The following TLR8 variants were observed in gnomAD, a reference collection of about 807,000 sequenced individuals.
TLR8 encodes the protein toll-like receptor 8.
TLR8 carries 5 observed loss-of-function variants against 18.5 expected under a neutral mutation model. The ratio of observed to expected loss-of-function variants is 0.27; its 90% confidence interval spans 0.14 to 0.57. The LOEUF is 0.57. TLR8 is among the 20% of genes least tolerant of loss of function. The probability of loss-of-function intolerance (pLI) is 0.92; values close to 1 mark genes in which losing one functional copy is unlikely to be tolerated. For synonymous variants in TLR8, 299 were observed against 300.1 expected, an observed-to-expected ratio of 1.00 and a Z score of 0.04; for missense variants, 543 against 769.8, an observed-to-expected ratio of 0.71 and a Z score of 3.49.
intron 1 of TLR8, chrX:12,910,547 C>T (rs1489412308): frequency 2.2e-5 from 20 of 912,392 alleles, no homozygotes; most frequent in Non-Finnish European, 3.0e-5. Context: ...AGCGTCCCTA[C>T]CTTTGTGCCC....
In TLR8 at chrX:12,919,511, T is replaced by C. The variant is rs2043079248; in HGVS notation, c.471T>C (p.Asn157=). 1.7e-6 allele frequency: 2 copies of C among 1,208,692 alleles called. No individual in the cohort carries two copies. The highest frequency in any genetic ancestry group is 5.9e-5 in the East Asian group (2 of 33,845). ...CAGAACTTAGTCTAATTCAAAACAA[T>C]ATATACAACATAACTAAAGAGGGCA... ...SLTELSLIQN[N]IYNITKEGIS... Residue 157 remains asparagine (N), a synonymous_variant, in exon 2 of 2, where the codon AAT becomes AAC. Transcript: ENST00000218032.
intron 1 of TLR8, among the ~76,000 whole-genome samples, chrX:12,907,103 G>A (rs1187426259): frequency 8.9e-6 from 1 of 112,392 alleles, no homozygotes; most frequent in East Asian, 2.8e-4. Context: ...TGCTATTTCT[G>A]TAGAAAAGGA....
Position 12,920,323 on chromosome X carries a change from A to G in TLR8, c.1283A>G (p.Asn428Ser), listed in dbSNP as rs770138768. 8.3e-7 allele frequency: 1 copy of G among 1,210,228 alleles called. No individual in the cohort carries two copies. Among genetic ancestry groups the G allele is most frequent in the Admixed American group, 2.2e-5 (1 of 45,799 alleles). The change falls in exon 2 of 2, where the codon AAC (asparagine) becomes AGC (serine). Residue 428 changes from asparagine to serine, a missense_variant. Asn to Ser is a conservative substitution (Grantham distance 46). Coordinates refer to ENST00000218032, the MANE Select transcript of TLR8 (RefSeq NM_138636.5). The part of the protein sequence containing the change: ...SNLEIIYLSE[N>S]RISPLVKDTR... ...CTGGAAATTATTTACTTGTCAGAAA[A>G]CAGAATATCACCGTTGGTAAAAGAT...
chrX:12,907,218 C>T (rs1049647977), intron 1 of TLR8, among the ~76,000 whole-genome samples: 2 of 112,489 alleles, frequency 1.8e-5, no homozygotes, highest in Non-Finnish European at 3.8e-5. Flanking sequence ...TGCTACTTTT[C>T]TTGGTCAGAG....
In TLR8 at chrX:12,922,263, C is replaced by T. The variant is rs986817262; in HGVS notation, c.*97C>T. 6 of 1,067,063 alleles carry T rather than the reference C, an allele frequency of 5.6e-6. No individual in the cohort carries two copies. Among genetic ancestry groups the T allele is most frequent in the Non-Finnish European group, 7.4e-6 (6 of 805,843 alleles). 87.9% of individuals were successfully genotyped at this position (1,067,063 alleles called of 1,213,427 possible). ...TGCTATGTAACAAATTATCCCAAAA[C>T]TTAGTGGTTTAAAACAACACATTTG... On this transcript the variant is annotated 3_prime_UTR_variant, in exon 2 of 2. Coordinates refer to ENST00000218032, the MANE Select transcript of TLR8 (RefSeq NM_138636.5).
chrX:12,919,748 C>T lies in TLR8; in HGVS notation c.708C>T (p.Tyr236=). Residue 236 remains tyrosine (Y), a synonymous_variant, in exon 2 of 2, where the codon TAC becomes TAT. Coordinates refer to ENST00000218032, the MANE Select transcript of TLR8 (RefSeq NM_138636.5). ...TTCTGAGCAACACCCAGATCAAATA[C>T]ATTAGTGAAGAAGATTTCAAGGGAT... The part of the protein sequence containing the change: ...KLFLSNTQIK[Y]ISEEDFKGLI... 1 of 1,211,409 alleles carries T rather than the reference C, an allele frequency of 8.3e-7. No homozygotes were observed. The highest frequency in any genetic ancestry group is 1.1e-6 in the Non-Finnish European group (1 of 895,315).
chrX:12,910,331 G>A (rs1176383359), intron 1 of TLR8: 2 of 1,161,377 alleles, frequency 1.7e-6, no homozygotes, highest in East Asian at 6.5e-5. Context: ...CAGTGTTAGG[G>A]AACATCAGCA....
At chrX:12,916,536 G>A (rs1052493266) in intron 1 of TLR8, among the ~76,000 whole-genome samples, 8 of 111,987 alleles carry the variant, frequency 7.1e-5, no homozygotes, top group Admixed American at 2.8e-4. Flanking sequence ...TGTGTCTCCC[G>A]GTACAGATGT....
rs768437851 is a variant in TLR8 at position 12,920,968 on chromosome X, G to A, written c.1928G>A (p.Arg643His). ...SIFKGLKNLT[R>H]LDLSLNRLKH... ...TTCAAAGGTCTCAAGAATCTGACAC[G>A]TCTGGATTTATCCCTTAATAGGCTG... Residue 643 changes from arginine to histidine, a missense_variant, in exon 2 of 2, where the codon CGT becomes CAT. By Grantham distance (29) the Arg-to-His change is conservative. Around this residue, in one of 4 missense-constraint regions of TLR8, gnomAD observed 227 missense variants for 312.9 expected, o/e 0.73. Coordinates refer to ENST00000218032, the MANE Select transcript of TLR8 (RefSeq NM_138636.5). The A allele has an allele frequency of 5.8e-6, 7 of 1,209,615 alleles. No individual in the cohort carries two copies. The Admixed American group carries it at 8.7e-5, about 15-fold the overall frequency.
chrX:12,918,771 A>G (rs2147258081), intron 1 of TLR8, among the ~76,000 whole-genome samples: 1 of 111,318 alleles, frequency 9.0e-6, no homozygotes, highest in East Asian at 2.8e-4. Context: ...CTGGGCTCAA[A>G]CCATCTTTCC....
intron 1 of TLR8, among the ~76,000 whole-genome samples, chrX:12,907,058 G>A (rs2042989685): frequency 8.9e-6 from 1 of 112,002 alleles, no homozygotes; most frequent in South Asian, 3.7e-4. Context: ...AGAACAACAG[G>A]GTTGGAAGAG....
intron 1 of TLR8, among the ~76,000 whole-genome samples, chrX:12,917,995 G>C (rs773344365): frequency 2.7e-5 from 3 of 111,865 alleles, no homozygotes; most frequent in Non-Finnish European, 5.6e-5. Flanking sequence ...CCTTCAAAAA[G>C]GTACTTAAGT....
Position 12,910,452 on chromosome X carries a change from T to C in TLR8, c.3+3743T>C, listed in dbSNP as rs368684132. On this transcript the variant is annotated intron_variant, in intron 1 of 1. Transcript: ENST00000218032. ...AAAGGAGACTAAAAAGGTAAAAAGC[T>C]GTTAATTCCAGGAAGACAGCTTTAC... The C allele has an allele frequency of 9.0e-5, 105 of 1,165,288 alleles. 6 individuals are homozygous for C. In the Admixed American group the frequency reaches 1.0e-3, roughly 11 times the overall value.
intron 1 of TLR8, 91 bp from the exon 2 acceptor site, chrX:12,918,953 C>A (rs961164058): frequency 1.1e-5 from 11 of 964,136 alleles, no homozygotes; most frequent in African/African-American, 9.8e-5. Flanking sequence ...AAAATTCATA[C>A]AAGTATGGGG....
Position 12,921,416 on chromosome X carries a change from T to C in TLR8, c.2376T>C (p.Asn792=). ...GAAGATGGATGGATGAACATCTGAA[T>C]GTCAAAATTCCCAGACTGGTAGATG... ...DFRRWMDEHL[N]VKIPRLVDVI... The change falls in exon 2 of 2, where the codon AAT becomes AAC. Residue 792 remains asparagine, a synonymous_variant. Transcript: ENST00000218032. The C allele has an allele frequency of 6.6e-6, 8 of 1,212,123 alleles. No individual in the cohort carries two copies. Among genetic ancestry groups the C allele is most frequent in the Non-Finnish European group, 6.7e-6 (6 of 895,573 alleles).
At chrX:12,910,942 ATTTTTTTTTCT>A (rs1167436727) in intron 1 of TLR8, among the ~76,000 whole-genome samples, 2 of 108,230 alleles carry the variant, frequency 1.8e-5, no homozygotes, top group Admixed American at 2.0e-4. Context: ...AGTTGGGCAC[ATTTTTTTTTCT>A]TTTTTTTTTC....
intron 1 of TLR8, among the ~76,000 whole-genome samples, chrX:12,909,396 C>A (rs2043005551): frequency 8.9e-6 from 1 of 112,364 alleles, no homozygotes; most frequent in Admixed American, 9.4e-5. Context: ...AAAGATTGGA[C>A]ACCCCTGCTA....
rs1197531002 is a variant in TLR8, at chrX:12,921,191, G to A, written c.2151G>A (p.Leu717=). Residue 717 remains leucine (L), a synonymous_variant, in exon 2 of 2, where the codon CTG becomes CTA. Transcript: ENST00000218032. ...ACTTTACATCTTCCCTTCGGACACTGCTGCTGAGTCATAACAGGATTTCCC... is the reference window on the plus strand; with the variant it reads ...ACTTTACATCTTCCCTTCGGACACTACTGCTGAGTCATAACAGGATTTCCC... ...LSDFTSSLRT[L]LLSHNRISHL... 16 of 1,210,121 alleles carry A rather than the reference G, an allele frequency of 1.3e-5. No homozygotes were observed. The highest frequency in any genetic ancestry group is 1.8e-5 in the Non-Finnish European group (16 of 895,323).
At position 12,921,080 on chromosome X, in the gene TLR8, C is replaced by T; in HGVS notation, c.2040C>T (p.Asn680=). 1 of 1,211,056 alleles carries T rather than the reference C, an allele frequency of 8.3e-7. No homozygotes were observed. The highest frequency in any genetic ancestry group is 1.1e-6 in the Non-Finnish European group (1 of 895,260). ...HINDNMLKFF[N]WTLLQQFPRL... ...ATGATAATATGTTAAAGTTTTTTAA[C>T]TGGACATTACTCCAGCAGTTTCCTC... Residue 680 remains asparagine, a synonymous_variant, in exon 2 of 2, where the codon AAC becomes AAT. Coordinates refer to ENST00000218032, the MANE Select transcript of TLR8 (RefSeq NM_138636.5).
Sources: allele counts gnomAD v4.1 joint callset (sites outside exome capture counted in the v4.1 genomes callset), GRCh38; gene constraint gnomAD v4.1.1; regional missense constraint gnomAD v4.1.1; transcripts MANE v1.5; gene names NCBI Gene and HGNC (gene_info 2026-07-23, HGNC 2026-07-21).